SNRPD3: variants seen among roughly 807,000 people sequenced by gnomAD.
SNRPD3 encodes the protein small nuclear ribonucleoprotein Sm D3.
For missense variants in SNRPD3, 73 were observed against 167.5 expected (o/e 0.44, Z 3.11); for synonymous variants, 66 against 58.4 (o/e 1.13, Z -0.59).
In SNRPD3 at chr22:24,557,583, A is replaced by G. The variant is rs1462732183; in HGVS notation, c.-18-74A>G. The G allele has an allele frequency of 9.2e-6, 10 of 1,085,098 alleles. No homozygotes were observed. In the East Asian group the frequency reaches 2.6e-4, roughly 28 times the overall value. 67.2% of individuals were successfully genotyped at this position (1,085,098 alleles called of 1,614,324 possible). ...AAGTTTTATGGAGTGCCAGGCCTTA[A>G]AGGAAGCATGATGTGTGCCACATGC... On this transcript the variant is annotated intron_variant, in intron 1 of 3. Coordinates refer to ENST00000215829, the MANE Select transcript of SNRPD3 (RefSeq NM_004175.5).
At chr22:24,561,631 TC>T (rs1407329191) in intron 2 of SNRPD3, among the ~76,000 whole-genome samples, 7 of 152,220 alleles carry the variant, frequency 4.6e-5, no homozygotes, top group African/African-American at 1.7e-4. Context: ...CCTTCCCAGA[TC>T]CAGTCATTCT....
intron 2 of SNRPD3, 148 bp downstream of exon 2, chr22:24,557,948 AGGCTCTGG>A (rs1235088564): frequency 2.5e-5 from 17 of 683,034 alleles, no homozygotes; most frequent in Middle Eastern, 8.2e-4. Context: ...GTGCTGTTAT[AGGCTCTGG>A]GGGTGTGGGC....
intron 2 of SNRPD3, among the ~76,000 whole-genome samples, chr22:24,566,923 C>T (rs575798090): frequency 6.6e-6 from 1 of 152,316 alleles, no homozygotes; most frequent in East Asian, 1.9e-4. Flanking sequence ...ATTGATCTTT[C>T]CTCTATCGAC....
At chr22:24,561,074 T>TTTTTTTTTTTTTTTTG (rs2045138691) in intron 2 of SNRPD3, among the ~76,000 whole-genome samples, 1 of 128,730 alleles carries the variant, frequency 7.8e-6, no homozygotes, top group Non-Finnish European at 1.7e-5. Context: ...CTTTTTTTTT[T>TTTTTTTTTTTTTTTTG]TTTTTTTTTT....
At position 24,574,315 on chromosome 22, in the gene SNRPD3, T is replaced by C. The variant is rs111767307; in HGVS notation, c.*2338T>C. Among the ~76,000 whole-genome samples, 320 of 152,302 alleles carry C rather than the reference T, an allele frequency of 2.1e-3. 1 individual carries two copies. The highest frequency in any genetic ancestry group is 2.8e-3 in the Non-Finnish European group (191 of 68,026). ...AGTGAAGGGGGATCAACCTAAAATA[T>C]GTAGCTTTGTAAACAGTTTTATATC... On this transcript the variant is annotated 3_prime_UTR_variant, in exon 4 of 4. Coordinates refer to ENST00000215829, the MANE Select transcript of SNRPD3 (RefSeq NM_004175.5).
At chr22:24,557,836 A>G in intron 2 of SNRPD3, 36 bp downstream of exon 2, 1 of 1,586,790 alleles carries the variant, frequency 6.3e-7, no homozygotes, top group Non-Finnish European at 8.6e-7. Flanking sequence ...TGTGGGAGGA[A>G]TGGCCCTGTG....
intron 2 of SNRPD3, among the ~76,000 whole-genome samples, chr22:24,567,620 C>G (rs1000747705): frequency 2.0e-5 from 3 of 152,114 alleles, no homozygotes; most frequent in Non-Finnish European, 4.4e-5. Context: ...GTGGCGCATG[C>G]CTGTAATCCC....
chr22:24,568,366 G>T (rs2045215736), intron 3 of SNRPD3, among the ~76,000 whole-genome samples, 190 bp downstream of exon 3: 1 of 151,962 alleles, frequency 6.6e-6, no homozygotes, highest in Non-Finnish European at 1.5e-5. Context: ...TTTTGAGACA[G>T]AGTCTCGCTT....
intron 2 of SNRPD3, among the ~76,000 whole-genome samples, chr22:24,560,602 G>T (rs923070646): frequency 6.8e-6 from 1 of 147,090 alleles, no homozygotes; most frequent in Admixed American, 6.8e-5. Context: ...CTAGTTTTTC[G>T]TATTTTTAGT....
intron 2 of SNRPD3, among the ~76,000 whole-genome samples, chr22:24,561,604 C>T (rs1490481656): frequency 6.6e-6 from 1 of 152,212 alleles, no homozygotes; most frequent in Non-Finnish European, 1.5e-5. Context: ...ACATCTCAGG[C>T]TGTGAGGCTT....
In SNRPD3 at chr22:24,567,986, G is replaced by T; in HGVS notation, c.129G>T (p.Met43Ile). 1 of 1,592,112 alleles carries T rather than the reference G, an allele frequency of 6.3e-7. No homozygotes were observed. Reference protein sequence around the residue: ...IEAEDNMNCQMSNITVTYRDG... With the variant: ...IEAEDNMNCQISNITVTYRDG... ...ATTAGCTGGTGATTTCCTTCCAGAT[G>T]TCCAACATCACAGTCACATACAGAG... Residue 43 changes from methionine to isoleucine, a missense_variant and splice_region_variant, in exon 3 of 4, where the codon ATG (methionine) becomes ATT (isoleucine). Coordinates refer to ENST00000215829, the MANE Select transcript of SNRPD3 (RefSeq NM_004175.5).
chr22:24,558,506 T>C (rs1357120450), intron 2 of SNRPD3, among the ~76,000 whole-genome samples: 2 of 152,202 alleles, frequency 1.3e-5, no homozygotes, highest in Non-Finnish European at 2.9e-5. Context: ...TGACTTTAGA[T>C]GTATTAACCA....
upstream of SNRPD3, chr22:24,555,950 T>G: frequency 1.0e-6 from 1 of 1,001,908 alleles, no homozygotes; most frequent in African/African-American, 1.6e-5. Flanking sequence ...AGGCGGGCCC[T>G]GCGCGCAGCA....
Position 24,557,779 on chromosome 22 carries a change from A to G in SNRPD3, c.105A>G (p.Ala35=), listed in dbSNP as rs1455592644. 1 of 1,609,786 alleles carries G rather than the reference A, an allele frequency of 6.2e-7. No individual in the cohort carries two copies. The highest frequency in any genetic ancestry group is 2.2e-5 in the East Asian group (1 of 44,532). The stretch of plus-strand genomic sequence containing the variant: ...TATATCGGGGGAAGCTCATTGAAGC[A>G]GAGGACAACATGAACTGCCAGGTAT... ...GEVYRGKLIE[A]EDNMNCQMSN... The change falls in exon 2 of 4, where the codon GCA becomes GCG. Residue 35 remains alanine (A), a synonymous_variant. Coordinates refer to ENST00000215829, the MANE Select transcript of SNRPD3 (RefSeq NM_004175.5).
intron 2 of SNRPD3, among the ~76,000 whole-genome samples, chr22:24,566,563 A>C (rs141550297): frequency 6.6e-6 from 1 of 152,142 alleles, no homozygotes; most frequent in African/African-American, 2.4e-5. Context: ...CACCTGGCCC[A>C]TAGTTGTTCT....
Position 24,562,708 on chromosome 22 carries a change from T to A in SNRPD3, c.126+4908T>A, listed in dbSNP as rs367960058. On this transcript the variant is annotated intron_variant, in intron 2 of 3. Transcript: ENST00000215829. Reference sequence around the variant, plus strand: ...CAGCCTGGGTGACAGAGCAAGACCCTATCTCTAAAATTAAAAAAATTCTAT... The same window carrying A: ...CAGCCTGGGTGACAGAGCAAGACCCAATCTCTAAAATTAAAAAAATTCTAT... 2.0e-4 allele frequency among the ~76,000 whole-genome samples: 31 copies of A among 152,290 alleles called. 1 individual carries two copies. The South Asian group carries it at 6.0e-3, about 30-fold the overall frequency.
chr22:24,572,190 C>A lies in SNRPD3; in HGVS notation c.*213C>A. The A allele has an allele frequency of 2.1e-6, 2 of 971,278 alleles. No individual in the cohort carries two copies. The highest frequency in any genetic ancestry group is 3.1e-6 in the Non-Finnish European group (2 of 643,354). The allele number at this position is 971,278 out of a possible 1,614,324, so 60.2% of individuals were successfully genotyped here. On this transcript the variant is annotated 3_prime_UTR_variant, in exon 4 of 4. Transcript: ENST00000215829. ...GGACTTTGTGTTCATTTGAAGTTTG[C>A]TTTGGCTAAATTTTGACACCCTGGG...
At chr22:24,560,428 C>CTTTTTTTTTT (rs60835175) in intron 2 of SNRPD3, among the ~76,000 whole-genome samples, 1 of 49,074 alleles carries the variant, frequency 2.0e-5, no homozygotes, top group African/African-American at 8.0e-5. Flanking sequence ...AGCTTGCTTG[C>CTTTTTTTTTT]TTTTTTTTTT....
In SNRPD3 at chr22:24,563,201, CATATAT is replaced by C. The variant is rs1183792163; in HGVS notation, c.127-4782_127-4777del. 1.7e-3 allele frequency among the ~76,000 whole-genome samples: 203 copies of C among 121,658 alleles called. 2 individuals carry two copies. The highest frequency in any genetic ancestry group is 4.0e-3 in the Middle Eastern group (1 of 250). The allele number at this position is 121,658 out of a possible 152,430, so 79.8% of individuals were successfully genotyped here. A position where few individuals can be genotyped will look rare whatever the true frequency, so the allele number is the denominator to read the frequency against. On this transcript the variant is annotated intron_variant, in intron 2 of 3. Coordinates refer to ENST00000215829, the MANE Select transcript of SNRPD3 (RefSeq NM_004175.5). The stretch of plus-strand genomic sequence containing the variant: ...TGGGCAACACAGTGAGACCCTGTCT[CATATAT>C]GTGTGTGTGTGTGTGTGTGTGTGTG...
Sources: gnomAD v4.1 joint callset for allele counts (sites outside exome capture counted in the v4.1 genomes callset) on GRCh38, gnomAD v4.1.1 for gene constraint, MANE v1.5 for transcripts, NCBI Gene and HGNC (gene_info 2026-07-23, HGNC 2026-07-21) for gene names.